Variants in NDEL1 observed in about 807,000 individuals in gnomAD.
NDEL1 encodes the protein nudE neurodevelopment protein 1 like 1.
Under a neutral mutation model 45.7 loss-of-function variants are expected in NDEL1, and 9 were observed. The ratio of observed to expected loss-of-function variants is 0.20; its 90% CI spans 0.12 to 0.34. The LOEUF is 0.34. Ranked by LOEUF, NDEL1 falls within the 10% of genes least tolerant of loss-of-function variation. The pLI is 1.00. For missense variants in NDEL1, 306 were observed against 406.2 expected, an observed-to-expected ratio of 0.75 and a Z score of 2.12; for synonymous variants, 133 against 158.6, an observed-to-expected ratio of 0.84 and a Z score of 1.21.
intron 1 of NDEL1, among the ~76,000 whole-genome samples, chr17:8,419,939 A>G (rs1908660284): frequency 6.6e-6 from 1 of 152,188 alleles, no homozygotes; most frequent in Admixed American, 6.5e-5. Flanking sequence ...GAAGCAGATC[A>G]CCCGAGAAAT....
At chr17:8,473,188 TTC>T (rs1491462477) in intron 3 of NDEL1, among the ~76,000 whole-genome samples, 2 of 151,734 alleles carry the variant, frequency 1.3e-5, no homozygotes, top group African/African-American at 2.4e-5. Flanking sequence ...TAGGGAAGAA[TTC>T]TTTTTTTTTT....
At chr17:8,457,510 G>T (rs1156735211) in intron 7 of NDEL1, among the ~76,000 whole-genome samples, 1 of 152,150 alleles carries the variant, frequency 6.6e-6, no homozygotes, top group Admixed American at 6.5e-5. Flanking sequence ...GGGTCTGCTG[G>T]TGTCCACCAG....
At chr17:8,427,952 A>G (rs954076165) in intron 1 of NDEL1, among the ~76,000 whole-genome samples, 1 of 152,150 alleles carries the variant, frequency 6.6e-6, no homozygotes, top group Admixed American at 6.6e-5. Context: ...GTTACATCTT[A>G]TATTGCAGTC....
At chr17:8,419,267 GTATTTGC>G (rs1322302045) in intron 1 of NDEL1, among the ~76,000 whole-genome samples, 3 of 152,096 alleles carry the variant, frequency 2.0e-5, no homozygotes, top group Non-Finnish European at 4.4e-5. Flanking sequence ...AAAGTAACGT[GTATTTGC>G]TATAGAAAAT....
chr17:8,453,917 TA>T (rs1349962502), intron 6 of NDEL1, among the ~76,000 whole-genome samples: 1 of 152,184 alleles, frequency 6.6e-6, no homozygotes, highest in Non-Finnish European at 1.5e-5. Flanking sequence ...AACTGAAATA[TA>T]TTCATATATT....
intron 5 of NDEL1, among the ~76,000 whole-genome samples, chr17:8,450,498 T>C (rs1168465122): frequency 2.6e-5 from 4 of 152,178 alleles, no homozygotes; most frequent in Non-Finnish European, 5.9e-5. Context: ...GAATATTTAC[T>C]TTTGTGTGAA....
At chr17:8,444,630 G>C in intron 2 of NDEL1, 1 of 297,664 alleles carries the variant, frequency 3.4e-6, no homozygotes, top group Middle Eastern at 1.1e-3. Flanking sequence ...TTAGTAGGCG[G>C]GGCCATCTTT....
intron 7 of NDEL1, among the ~76,000 whole-genome samples, chr17:8,458,242 C>T (rs1444601465): frequency 6.6e-6 from 1 of 151,918 alleles, no homozygotes; most frequent in Non-Finnish European, 1.5e-5. Flanking sequence ...ACTTTCTTTC[C>T]ATTCCTCTTA....
chr17:8,426,297 G>A (rs1206190440), intron 1 of NDEL1, among the ~76,000 whole-genome samples: 1 of 152,188 alleles, frequency 6.6e-6, no homozygotes, highest in African/African-American at 2.4e-5. Flanking sequence ...GGCTTACCTG[G>A]TAATGGGAAT....
chr17:8,433,027 C>A (rs1338090949), upstream of NDEL1, among the ~76,000 whole-genome samples: 2 of 151,952 alleles, frequency 1.3e-5, no homozygotes, highest in Admixed American at 1.3e-4. Flanking sequence ...CTACTTCCAT[C>A]TCTTGGTAGC....
chr17:8,440,378 G>A (rs923079949), intron 1 of NDEL1, among the ~76,000 whole-genome samples: 1 of 152,102 alleles, frequency 6.6e-6, no homozygotes, highest in African/African-American at 2.4e-5. Flanking sequence ...GCCAGGTATG[G>A]TGGTGGGTGC....
intron 1 of NDEL1, among the ~76,000 whole-genome samples, chr17:8,428,155 A>T (rs560105737): frequency 6.6e-6 from 1 of 152,204 alleles, no homozygotes; most frequent in African/African-American, 2.4e-5. Flanking sequence ...TTAGAATATA[A>T]GCTAATTATA....
chr17:8,421,398 A>G (rs1908703408), intron 1 of NDEL1, among the ~76,000 whole-genome samples: 1 of 152,146 alleles, frequency 6.6e-6, no homozygotes, highest in Non-Finnish European at 1.5e-5. Context: ...TGTAATCAGA[A>G]GGGTCCTTAA....
intron 1 of NDEL1, among the ~76,000 whole-genome samples, chr17:8,441,640 A>T (rs1478593588): frequency 6.6e-6 from 1 of 152,146 alleles, no homozygotes; most frequent in African/African-American, 2.4e-5. Context: ...CAGTAGAGTA[A>T]CATGTCTTCA....
downstream of NDEL1, among the ~76,000 whole-genome samples, chr17:8,472,211 G>C (rs1436803902): frequency 2.0e-5 from 3 of 152,234 alleles, no homozygotes; most frequent in Non-Finnish European, 2.9e-5. Context: ...GCCATAGAAA[G>C]GGCTGGCTAG....
At chr17:8,468,455 TC>T (rs1911743047), downstream of NDEL1, among the ~76,000 whole-genome samples, 2 of 152,220 alleles carry the variant, frequency 1.3e-5, no homozygotes, top group African/African-American at 4.8e-5. Flanking sequence ...GTTCACAAAG[TC>T]CCAGAGTAAC....
rs1418861954 is a variant in NDEL1, at chr17:8,467,208, A to G, written c.*185A>G. On this transcript the variant is annotated 3_prime_UTR_variant, in exon 9 of 9. Transcript: ENST00000334527. This position sits in a 1 kb window ranked among gnomAD's most constrained non-coding sequence, Gnocchi z 6.3. ...CAGCCCCGGAACTCTGCGCGATATC[A>G]ATACTGGCTATTTTCTCTTCTCGCC... 2 of 608,520 alleles carry G rather than the reference A, an allele frequency of 3.3e-6. No homozygotes were observed. The highest frequency in any genetic ancestry group is 5.8e-6 in the Non-Finnish European group (2 of 344,992). 37.7% of individuals were successfully genotyped at this position (608,520 alleles called of 1,614,324 possible).
At chr17:8,470,233 GTT>G (rs1352475886), downstream of NDEL1, among the ~76,000 whole-genome samples, 3 of 152,080 alleles carry the variant, frequency 2.0e-5, no homozygotes, top group Admixed American at 6.5e-5. This position sits in a 1 kb window ranked among gnomAD's most constrained non-coding sequence, Gnocchi z 4.2. Flanking sequence ...CTCTGTGTGG[GTT>G]TTCTTCCTGG....
intron 7 of NDEL1, among the ~76,000 whole-genome samples, chr17:8,456,976 T>C (rs990473598): frequency 8.5e-5 from 13 of 152,268 alleles, no homozygotes; most frequent in African/African-American, 2.9e-4. Context: ...TTATTTACTG[T>C]GTAATCACAG....
Sources: allele counts gnomAD v4.1 joint callset (sites outside exome capture counted in the v4.1 genomes callset), GRCh38; gene constraint gnomAD v4.1.1; non-coding constraint Gnocchi (gnomAD v3.1); transcripts MANE v1.5; gene names NCBI Gene and HGNC (gene_info 2026-07-23, HGNC 2026-07-21).